Variants in LRFN5 observed in about 807,000 individuals in gnomAD.
LRFN5 encodes the protein leucine-rich repeat and fibronectin type-III domain-containing protein 5.
In LRFN5, 24 loss-of-function variants were observed where a neutral mutation model predicts 45.6. The observed-to-expected ratio is 0.53, with a 90% CI of 0.38 to 0.74. The LOEUF (loss-of-function observed/expected upper bound fraction) is 0.74. Among genes scored for constraint, LRFN5 ranks in the 30% least tolerant of loss-of-function variants. The pLI is 0.00. For missense variants in LRFN5, 776 were observed against 861.5 expected (o/e 0.90, Z 1.24); for synonymous variants, 340 against 313.8 (o/e 1.08, Z -0.88).
intron 2 of LRFN5, among the ~76,000 whole-genome samples, chr14:41,873,025 T>A (rs998913957): frequency 1.5e-4 from 23 of 152,310 alleles, no homozygotes; most frequent in African/African-American, 5.5e-4. Flanking sequence ...ATTCACTGAG[T>A]TGATGTAGCA....
intron 2 of LRFN5, among the ~76,000 whole-genome samples, chr14:41,819,512 C>G (rs1465903366): frequency 6.6e-6 from 1 of 152,068 alleles, no homozygotes; most frequent in Non-Finnish European, 1.5e-5. Context: ...ATACCTGAGA[C>G]TGGATAATTT....
chr14:41,845,298 A>C (rs780998078), intron 2 of LRFN5, among the ~76,000 whole-genome samples: 1 of 152,170 alleles, frequency 6.6e-6, no homozygotes, highest in African/African-American at 2.4e-5. Context: ...GACAGCATGT[A>C]TAGTCTTTTA....
chr14:41,887,060 T>C lies in LRFN5; in HGVS notation c.435T>C (p.Asp145=), dbSNP rs1890599319. The part of the protein sequence containing the change: ...LTLISSTAFD[D]VFALEELDLS... The stretch of plus-strand genomic sequence containing the variant: ...TAATTTCCTCTACAGCGTTTGATGA[T>C]GTCTTCGCCCTTGAGGAGCTGGATC... Residue 145 remains aspartate (D), a synonymous_variant, in exon 3 of 6, where the codon GAT becomes GAC. Coordinates refer to ENST00000298119, the MANE Select transcript of LRFN5 (RefSeq NM_152447.5). This position sits in a 1 kb window ranked among gnomAD's most constrained non-coding sequence, Gnocchi z 4.8. 1.2e-6 allele frequency: 2 copies of C among 1,614,120 alleles called. No individual in the cohort carries two copies. The highest frequency in any genetic ancestry group is 8.5e-7 in the Non-Finnish European group (1 of 1,180,042).
At chr14:41,752,985 G>A (rs12891454) in intron 1 of LRFN5, among the ~76,000 whole-genome samples, 40,809 of 152,030 alleles carry the variant, frequency 0.27, 5,963 homozygotes, top group South Asian at 0.43. Flanking sequence ...TCTACATATG[G>A]CTAGCAAGTC....
intron 1 of LRFN5, among the ~76,000 whole-genome samples, chr14:41,747,430 T>TG (rs1884966127): frequency 6.6e-6 from 1 of 151,914 alleles, no homozygotes; most frequent in Non-Finnish European, 1.5e-5. Flanking sequence ...ACCATTCAGG[T>TG]GGGGAAAGGA....
At chr14:41,806,085 G>A (rs570086118) in intron 2 of LRFN5, among the ~76,000 whole-genome samples, 106 of 152,226 alleles carry the variant, frequency 7.0e-4, no homozygotes, top group African/African-American at 2.5e-3. Flanking sequence ...ATATATTTTG[G>A]TGTAAAATAT....
intron 1 of LRFN5, among the ~76,000 whole-genome samples, chr14:41,658,972 A>G (rs2138633818): frequency 6.6e-6 from 1 of 151,910 alleles, no homozygotes; most frequent in South Asian, 2.1e-4. Context: ...TCTGTATGCT[A>G]CCGTGTTTTC....
At chr14:41,785,515 A>G (rs1013922697) in intron 2 of LRFN5, among the ~76,000 whole-genome samples, 14 of 152,096 alleles carry the variant, frequency 9.2e-5, no homozygotes, top group Non-Finnish European at 1.5e-4. Flanking sequence ...ACTATATCAC[A>G]TATGGCAGCG....
chr14:41,816,657 C>T (rs969870453), intron 2 of LRFN5, among the ~76,000 whole-genome samples: 1 of 151,712 alleles, frequency 6.6e-6, no homozygotes, highest in African/African-American at 2.4e-5. Context: ...CTTATCTTTC[C>T]TCTTCTAGAG....
At chr14:41,825,568 T>C (rs974419525) in intron 2 of LRFN5, among the ~76,000 whole-genome samples, 1 of 152,206 alleles carries the variant, frequency 6.6e-6, no homozygotes, top group Non-Finnish European at 1.5e-5. Flanking sequence ...TACCAGTAAT[T>C]ATGCAGCTCC....
At chr14:41,856,366 A>T (rs1889451448) in intron 2 of LRFN5, among the ~76,000 whole-genome samples, 1 of 152,222 alleles carries the variant, frequency 6.6e-6, no homozygotes, top group African/African-American at 2.4e-5. Flanking sequence ...TTCTACACAT[A>T]GAAATGTAAA....
chr14:41,789,546 G>C (rs1261686396), intron 2 of LRFN5, among the ~76,000 whole-genome samples: 1 of 151,738 alleles, frequency 6.6e-6, no homozygotes, highest in African/African-American at 2.4e-5. Context: ...TATTTTTATT[G>C]CAATCAAGAT....
At chr14:41,850,700 T>C (rs1889236413) in intron 2 of LRFN5, among the ~76,000 whole-genome samples, 1 of 151,880 alleles carries the variant, frequency 6.6e-6, no homozygotes. Context: ...TCAATTTCAT[T>C]ACCTTTATAT....
At chr14:41,644,926 C>T (rs1026926326) in intron 1 of LRFN5, among the ~76,000 whole-genome samples, 7 of 152,096 alleles carry the variant, frequency 4.6e-5, no homozygotes, top group African/African-American at 7.2e-5. Flanking sequence ...TAAATTAAAA[C>T]ATGGTTTCTT....
chr14:41,799,031 G>C (rs368427529), intron 2 of LRFN5, among the ~76,000 whole-genome samples: 22 of 151,500 alleles, frequency 1.5e-4, no homozygotes, highest in African/African-American at 5.1e-4. Context: ...GTTTTAACTT[G>C]GTCTCTGGTT....
intron 1 of LRFN5, among the ~76,000 whole-genome samples, chr14:41,701,866 T>C (rs754249519): frequency 6.6e-6 from 1 of 152,142 alleles, no homozygotes; most frequent in Non-Finnish European, 1.5e-5. Flanking sequence ...TAGCATCACC[T>C]AGAAGCCTTT....
chr14:41,891,430 T>C lies in LRFN5; in HGVS notation c.1566T>C (p.Ser522=), dbSNP rs6572117. 0.69 allele frequency: 1,115,499 copies of C among 1,613,730 alleles called. 387,547 individuals carry two copies. Among genetic ancestry groups the C allele is most frequent in the Middle Eastern group, 0.84 (5,066 of 6,062 alleles). The part of the protein sequence containing the change: ...QDYVRCHFMQ[S]QFLGGTMIII... ...ATGTGCGTTGCCATTTCATGCAGTC[T>C]CAGTTTTTGGGAGGCACCATGATTA... is the stretch of plus-strand genomic sequence containing the variant. The change falls in exon 4 of 6, where the codon TCT becomes TCC. Residue 522 remains serine, a synonymous_variant. Coordinates refer to ENST00000298119, the MANE Select transcript of LRFN5 (RefSeq NM_152447.5).
intron 2 of LRFN5, among the ~76,000 whole-genome samples, chr14:41,799,767 G>C (rs141007172): frequency 6.6e-6 from 1 of 152,118 alleles, no homozygotes; most frequent in East Asian, 1.9e-4. Context: ...TTTGGAATTG[G>C]AAGTTGAGGA....
At chr14:41,676,128 G>C (rs866962552) in intron 1 of LRFN5, among the ~76,000 whole-genome samples, 42 of 152,300 alleles carry the variant, frequency 2.8e-4, no homozygotes, top group Middle Eastern at 3.4e-3. Flanking sequence ...AAATGTTGCA[G>C]AAGCCATATT....
Sources: allele counts gnomAD v4.1 joint callset (sites outside exome capture counted in the v4.1 genomes callset), GRCh38; gene constraint gnomAD v4.1.1; non-coding constraint Gnocchi (gnomAD v3.1); transcripts MANE v1.5; gene names NCBI Gene and HGNC (gene_info 2026-07-23, HGNC 2026-07-21).